The following FOXP1 variants were observed in gnomAD, a reference collection of about 807,000 sequenced individuals.
FOXP1 encodes forkhead box P1.
In FOXP1, 15 loss-of-function variants were observed where a neutral mutation model predicts 98.2. That is an observed-to-expected ratio of 0.15 (90% confidence interval 0.10 to 0.24). The LOEUF (loss-of-function observed/expected upper bound fraction) is 0.24. FOXP1 is among the 10% of genes least tolerant of loss of function. The probability of loss-of-function intolerance (pLI) is 1.00; values close to 1 mark genes in which losing one functional copy is unlikely to be tolerated. For synonymous variants in FOXP1, 371 were observed against 314.5 expected (o/e 1.18, Z -1.90); for missense variants, 633 against 848.5 (o/e 0.75, Z 3.15).
intron 3 of FOXP1, among the ~76,000 whole-genome samples, chr3:71,405,614 C>G (rs2082261818): frequency 6.6e-6 from 1 of 152,210 alleles, no homozygotes; most frequent in Non-Finnish European, 1.5e-5. Context: ...ACGTTCCCAG[C>G]TGCACCTCAG....
At chr3:71,098,863 A>G (rs1267682295) in intron 7 of FOXP1, among the ~76,000 whole-genome samples, 3 of 152,232 alleles carry the variant, frequency 2.0e-5, no homozygotes, top group East Asian at 1.9e-4. Context: ...ATTTGTGCCT[A>G]AAGTGACACA....
At chr3:71,361,443 A>G (rs2078562463) in intron 3 of FOXP1, among the ~76,000 whole-genome samples, 1 of 152,200 alleles carries the variant, frequency 6.6e-6, no homozygotes, top group South Asian at 2.1e-4. Flanking sequence ...TGCAATTGGA[A>G]AACTTTTCTC....
chr3:71,310,242 A>C (rs1378173358), intron 4 of FOXP1, among the ~76,000 whole-genome samples: 1 of 152,248 alleles, frequency 6.6e-6, no homozygotes, highest in African/African-American at 2.4e-5. Flanking sequence ...GGCAGGCTGA[A>C]GCATTTTATT....
intron 17 of FOXP1, among the ~76,000 whole-genome samples, chr3:70,976,049 CTT>C (rs10610516): frequency 0.23 from 26,592 of 115,586 alleles, 5,865 homozygotes; most frequent in African/African-American, 0.61. Flanking sequence ...GGACAATCTC[CTT>C]TTTTTTTTTT....
In FOXP1 at chr3:71,575,909, T is replaced by C. The variant is rs550282767; in HGVS notation, c.-298+5640A>G. On this transcript the variant is annotated intron_variant, in intron 2 of 20. Coordinates refer to ENST00000649528, the MANE Select transcript of FOXP1 (RefSeq NM_001349338.3). Reference sequence around the variant, plus strand: ...ATTCAGTTTGATGCTAGAAATATTCTTCAGTGTCCTAGTAAACAAAGTGAA... The same window carrying C: ...ATTCAGTTTGATGCTAGAAATATTCCTCAGTGTCCTAGTAAACAAAGTGAA... Among the ~76,000 whole-genome samples, 85 of 152,380 alleles carry C rather than the reference T, an allele frequency of 5.6e-4. 1 individual carries two copies. Among genetic ancestry groups the C allele is most frequent in the Admixed American group, 2.5e-3 (38 of 15,310 alleles).
At chr3:71,153,795 C>T (rs909770576) in intron 6 of FOXP1, among the ~76,000 whole-genome samples, 5 of 152,194 alleles carry the variant, frequency 3.3e-5, no homozygotes, top group African/African-American at 9.7e-5. Flanking sequence ...CTCCACATCA[C>T]AAGTCAGACA....
At chr3:71,457,930 T>C (rs1022139523) in intron 3 of FOXP1, among the ~76,000 whole-genome samples, 3 of 152,182 alleles carry the variant, frequency 2.0e-5, no homozygotes, top group Non-Finnish European at 2.9e-5. Flanking sequence ...TGCTCCAGGC[T>C]TCCTTGCAGC....
At chr3:71,574,478 T>A (rs986691965) in intron 2 of FOXP1, 13 of 152,224 alleles carry the variant, frequency 8.5e-5, no homozygotes, top group African/African-American at 3.1e-4. Context: ...TATTTCATAA[T>A]CTTGTAGGAT....
intron 3 of FOXP1, among the ~76,000 whole-genome samples, chr3:71,492,926 A>T (rs1035354573): frequency 6.6e-6 from 1 of 152,194 alleles, no homozygotes; most frequent in Non-Finnish European, 1.5e-5. Context: ...ATACAAAAAA[A>T]TTTCCAGAAG....
intron 14 of FOXP1, among the ~76,000 whole-genome samples, chr3:70,978,562 G>GA (rs1464087513): frequency 6.6e-6 from 1 of 152,042 alleles, no homozygotes; most frequent in African/African-American, 2.4e-5. Context: ...AATGTAAATG[G>GA]AAAGAGCCCC....
At chr3:71,146,579 T>C (rs1278387501) in intron 6 of FOXP1, among the ~76,000 whole-genome samples, 4 of 152,194 alleles carry the variant, frequency 2.6e-5, no homozygotes, top group East Asian at 1.9e-4. Flanking sequence ...GAGAGGATTA[T>C]AATAATAAAT....
At chr3:70,959,637 T>G (rs554355174) in intron 20 of FOXP1, among the ~76,000 whole-genome samples, 1 of 152,310 alleles carries the variant, frequency 6.6e-6, no homozygotes, top group African/African-American at 2.4e-5. Flanking sequence ...AGCGGTTAAT[T>G]CTGGCCAGCA....
At chr3:71,461,004 T>A in intron 3 of FOXP1, among the ~76,000 whole-genome samples, 1 of 152,182 alleles carries the variant, frequency 6.6e-6, no homozygotes, top group South Asian at 2.1e-4. Context: ...AATAAAGAGA[T>A]GGGCAATATC....
chr3:71,295,109 G>C (rs746249160), intron 5 of FOXP1, among the ~76,000 whole-genome samples: 2 of 152,114 alleles, frequency 1.3e-5, no homozygotes, highest in African/African-American at 4.8e-5. Context: ...TGTGTGTACG[G>C]GGGATCAGGG....
At chr3:71,368,720 G>A (rs1324350255) in intron 3 of FOXP1, among the ~76,000 whole-genome samples, 1 of 152,140 alleles carries the variant, frequency 6.6e-6, no homozygotes, top group Admixed American at 6.5e-5. Context: ...ATACAAGTCA[G>A]GCCCATGTGA....
intron 2 of FOXP1, chr3:71,581,335 G>T: frequency 1.0e-6 from 1 of 985,418 alleles, no homozygotes; most frequent in Non-Finnish European, 1.2e-6. Context: ...CAGATTTTCA[G>T]ATTTAGGAAA....
At chr3:71,003,075 A>C (rs530121076) in intron 12 of FOXP1, among the ~76,000 whole-genome samples, 1 of 152,326 alleles carries the variant, frequency 6.6e-6, no homozygotes, top group East Asian at 1.9e-4. Context: ...CTAAGAACCC[A>C]AACGACATGC....
intron 2 of FOXP1, among the ~76,000 whole-genome samples, chr3:71,564,312 T>C (rs1388328581): frequency 1.3e-5 from 2 of 152,236 alleles, no homozygotes; most frequent in Non-Finnish European, 2.9e-5. Flanking sequence ...CCAATAACGA[T>C]ACAATAGTAA....
At chr3:71,583,314 C>T (rs1264494322) in intron 1 of FOXP1, among the ~76,000 whole-genome samples, 6 of 152,010 alleles carry the variant, frequency 3.9e-5, no homozygotes, top group Non-Finnish European at 4.4e-5. Flanking sequence ...TCCACCCGCG[C>T]GCCGGCCCGC....
Sources: gnomAD v4.1 joint callset for allele counts (sites outside exome capture counted in the v4.1 genomes callset) on GRCh38, gnomAD v4.1.1 for gene constraint, MANE v1.5 for transcripts, NCBI Gene and HGNC (gene_info 2026-07-23, HGNC 2026-07-21) for gene names.